PTPN4: variants seen among roughly 807,000 people sequenced by gnomAD.
The protein encoded by PTPN4 is tyrosine-protein phosphatase non-receptor type 4.
Under a neutral mutation model 135.5 loss-of-function variants are expected in PTPN4, and 49 were observed. That is an observed-to-expected ratio of 0.36 (90% CI 0.29 to 0.46). The LOEUF (loss-of-function observed/expected upper bound fraction) is 0.46, where lower values mean the gene tolerates loss of function less well. Ranked by LOEUF, PTPN4 falls within the 20% of genes least tolerant of loss-of-function variation. The pLI is 1.00. For missense variants in PTPN4, 860 were observed against 1,101.0 expected, an observed-to-expected ratio of 0.78 and a Z score of 3.10; for synonymous variants, 333 against 369.9, an observed-to-expected ratio of 0.90 and a Z score of 1.14.
chr2:119,796,546 ATTAC>A (rs1691264499), intron 1 of PTPN4, among the ~76,000 whole-genome samples: 2 of 152,162 alleles, frequency 1.3e-5, no homozygotes, highest in South Asian at 2.1e-4. Flanking sequence ...GTTCTGTTTT[ATTAC>A]TTGTATTCCA....
chr2:119,973,603 T>G (rs1236566133), intron 26 of PTPN4, among the ~76,000 whole-genome samples: 1 of 151,562 alleles, frequency 6.6e-6, no homozygotes, highest in African/African-American at 2.4e-5. Flanking sequence ...TTTTGATTGG[T>G]TTATATGTCT....
chr2:119,914,865 T>A (rs992254421), intron 10 of PTPN4, among the ~76,000 whole-genome samples: 3 of 152,162 alleles, frequency 2.0e-5, no homozygotes, highest in Non-Finnish European at 4.4e-5. Flanking sequence ...AGTAATGAAA[T>A]CTTACATTTT....
At chr2:119,829,341 G>A (rs772460204) in intron 2 of PTPN4, among the ~76,000 whole-genome samples, 1 of 152,104 alleles carries the variant, frequency 6.6e-6, no homozygotes, top group Non-Finnish European at 1.5e-5. Context: ...TACATATAAC[G>A]AAATTTACCA....
intron 8 of PTPN4, among the ~76,000 whole-genome samples, chr2:119,883,259 A>G (rs920413388): frequency 2.6e-5 from 4 of 152,142 alleles, no homozygotes; most frequent in Admixed American, 6.5e-5. Context: ...CTATGTGTAT[A>G]AAGTGTATAT....
chr2:119,774,141 A>G (rs1270158500), intron 1 of PTPN4, among the ~76,000 whole-genome samples: 1 of 152,130 alleles, frequency 6.6e-6, no homozygotes, highest in Non-Finnish European at 1.5e-5. Context: ...GTTCTTGAGT[A>G]TTTTTTAGCT....
intron 1 of PTPN4, among the ~76,000 whole-genome samples, chr2:119,808,675 C>T (rs1691526654): frequency 6.6e-6 from 1 of 152,150 alleles, no homozygotes; most frequent in Non-Finnish European, 1.5e-5. Context: ...CCTCCCACCT[C>T]CCAAATCGTT....
intron 2 of PTPN4, among the ~76,000 whole-genome samples, chr2:119,828,732 T>G (rs572543515): frequency 6.6e-6 from 1 of 152,350 alleles, no homozygotes; most frequent in East Asian, 1.9e-4. Flanking sequence ...TTGCTTATGT[T>G]GTAGAATTTC....
chr2:119,883,492 G>A (rs1678110866), intron 8 of PTPN4, among the ~76,000 whole-genome samples: 1 of 152,006 alleles, frequency 6.6e-6, no homozygotes, highest in Non-Finnish European at 1.5e-5. Flanking sequence ...TTTTTCAAAA[G>A]AGATTTGTTG....
At chr2:119,902,953 C>T in intron 10 of PTPN4, among the ~76,000 whole-genome samples, 1 of 152,130 alleles carries the variant, frequency 6.6e-6, no homozygotes, top group African/African-American at 2.4e-5. Flanking sequence ...GAGCTCAGAC[C>T]CCATCAGAAT....
chr2:119,812,726 A>G (rs1676913333), intron 2 of PTPN4, among the ~76,000 whole-genome samples: 1 of 152,196 alleles, frequency 6.6e-6, no homozygotes, highest in African/African-American at 2.4e-5. Flanking sequence ...TTGTCACTAA[A>G]TGAATTCATG....
chr2:119,918,265 T>A (rs763911107), intron 11 of PTPN4, among the ~76,000 whole-genome samples: 2 of 152,206 alleles, frequency 1.3e-5, no homozygotes, highest in Non-Finnish European at 2.9e-5. Context: ...AATATCTTAA[T>A]GACCTTTTGA....
At chr2:119,769,926 TC>T (rs1690704310) in intron 1 of PTPN4, among the ~76,000 whole-genome samples, 1 of 152,256 alleles carries the variant, frequency 6.6e-6, no homozygotes, top group Non-Finnish European at 1.5e-5. Flanking sequence ...TAAATTTGTA[TC>T]TTGTGTTTTT....
chr2:119,976,923 GGA>G (rs1558780708), intron 26 of PTPN4, 59 bp from the exon 27 acceptor site: 1 of 1,557,414 alleles, frequency 6.4e-7, no homozygotes, highest in East Asian at 2.3e-5. Flanking sequence ...TTTTTTGGGG[GGA>G]GAGGGGACGG....
At chr2:119,895,865 C>T (rs1259293267) in intron 9 of PTPN4, among the ~76,000 whole-genome samples, 1 of 148,026 alleles carries the variant, frequency 6.8e-6, no homozygotes, top group African/African-American at 2.5e-5. Flanking sequence ...TGCAGTGAGC[C>T]GAGATGGCGC....
At position 119,945,095 on chromosome 2, in the gene PTPN4, C is replaced by G; in HGVS notation, c.1370C>G (p.Pro457Arg). Residue 457 changes from proline to arginine, a missense_variant, in exon 16 of 27, where the codon CCT (proline) becomes CGT (arginine). Pro to Arg is a moderately radical substitution (Grantham distance 103, BLOSUM62 -2). This residue lies in a region of PTPN4 where 684 missense variants were observed against 807.0 expected (regional missense o/e 0.85). Transcript: ENST00000263708. ...TTCTTGTCTAGATCACAAGAGACCC[C>G]TGGAGATGGGAAGCCTCCAGCTTTA... ...VLESSPSQET[P>R]GDGKPPALPP... is the part of the protein sequence containing the mutation. 1 of 1,601,740 alleles carries G rather than the reference C, an allele frequency of 6.2e-7. No homozygotes were observed. The highest frequency in any genetic ancestry group is 1.3e-5 in the African/African-American group (1 of 74,194).
At chr2:119,947,829 TTG>T (rs1325495633) in intron 18 of PTPN4, among the ~76,000 whole-genome samples, 1 of 151,342 alleles carries the variant, frequency 6.6e-6, no homozygotes, top group Non-Finnish European at 1.5e-5. Context: ...TAAATAGAAA[TTG>T]TGTAACTACC....
At chr2:119,796,199 G>C (rs1032490370) in intron 1 of PTPN4, among the ~76,000 whole-genome samples, 1 of 152,180 alleles carries the variant, frequency 6.6e-6, no homozygotes, top group African/African-American at 2.4e-5. Context: ...ACTGCAGCTG[G>C]CGTGATGGCA....
intron 3 of PTPN4, among the ~76,000 whole-genome samples, chr2:119,863,284 ATATACCTTACTCTGAACCGAGATAAAGGG>A: frequency 1.3e-5 from 2 of 152,232 alleles, no homozygotes; most frequent in Middle Eastern, 6.8e-3. Context: ...GCACTAAAGG[ATATACCTTACTCTGAACCGAGATAAAGGG>A]TATACAAGCA....
chr2:119,786,464 A>G (rs1448387816), intron 1 of PTPN4, among the ~76,000 whole-genome samples: 1 of 152,206 alleles, frequency 6.6e-6, no homozygotes, highest in Non-Finnish European at 1.5e-5. Flanking sequence ...TTTTCATTGC[A>G]GTCAGCTGTA....
Sources: gnomAD v4.1 joint callset for allele counts (sites outside exome capture counted in the v4.1 genomes callset) on GRCh38, gnomAD v4.1.1 for gene constraint, gnomAD v4.1.1 regional missense constraint, MANE v1.5 for transcripts, NCBI Gene and HGNC (gene_info 2026-07-23, HGNC 2026-07-21) for gene names.